Variants in STXBP4 observed in about 807,000 individuals in gnomAD.
STXBP4 encodes the protein syntaxin-binding protein 4.
Under a neutral mutation model 76.1 loss-of-function variants are expected in STXBP4, and 55 were observed. The ratio of observed to expected loss-of-function variants is 0.72; its 90% confidence interval spans 0.58 to 0.91. The LOEUF is 0.91. Among genes scored for constraint, STXBP4 ranks in the 40% least tolerant of loss-of-function variants. The probability of loss-of-function intolerance (pLI) is 0.00; values close to 1 mark genes in which losing one functional copy is unlikely to be tolerated. For synonymous variants in STXBP4, 201 were observed against 220.2 expected, an observed-to-expected ratio of 0.91 and a Z score of 0.77; for missense variants, 618 against 636.9, an observed-to-expected ratio of 0.97 and a Z score of 0.32.
At chr17:55,079,836 A>G (rs1219789123) in intron 15 of STXBP4, among the ~76,000 whole-genome samples, 1 of 152,070 alleles carries the variant, frequency 6.6e-6, no homozygotes, top group Non-Finnish European at 1.5e-5. Flanking sequence ...AAGTGAAGAT[A>G]TTTTTGGTGT....
intron 7 of STXBP4, 110 bp downstream of exon 7, chr17:55,000,993 C>A: frequency 1.4e-6 from 1 of 716,470 alleles, no homozygotes; most frequent in South Asian, 2.0e-5. Context: ...TGTCTTTGTT[C>A]CTTCAGTGAA....
rs529742986 is a variant in STXBP4 at position 55,050,272 on chromosome 17, A to G, written c.1011+3118A>G. ...TAACCAGTTAGAAGTTTTAATAGTTAAAGAGAAACCAAAATTATATAGAAA... is the reference window on the plus strand; with the variant it reads ...TAACCAGTTAGAAGTTTTAATAGTTGAAGAGAAACCAAAATTATATAGAAA... On this transcript the variant is annotated intron_variant, in intron 12 of 17. Transcript: ENST00000376352. 2.9e-4 allele frequency among the ~76,000 whole-genome samples: 44 copies of G among 152,242 alleles called. 1 individual carries two copies. Among genetic ancestry groups the G allele is most frequent in the Middle Eastern group, 6.8e-3 (2 of 294 alleles).
chr17:55,176,778 A>G (rs1184683162), downstream of STXBP4, among the ~76,000 whole-genome samples: 1 of 152,152 alleles, frequency 6.6e-6, no homozygotes, highest in Non-Finnish European at 1.5e-5. Flanking sequence ...ATATCATCCA[A>G]TCCACTGAGG....
chr17:54,980,366 G>A (rs2144322850), intron 1 of STXBP4, among the ~76,000 whole-genome samples: 1 of 152,312 alleles, frequency 6.6e-6, no homozygotes. Flanking sequence ...TGTTACCAGT[G>A]CAGGGTCTTG....
At chr17:55,050,872 T>C (rs1294301558) in intron 12 of STXBP4, among the ~76,000 whole-genome samples, 1 of 152,092 alleles carries the variant, frequency 6.6e-6, no homozygotes, top group African/African-American at 2.4e-5. Flanking sequence ...TTTGCCATGT[T>C]GGCCAGGCTG....
At chr17:55,154,367 A>T (rs1598354939) in intron 17 of STXBP4, among the ~76,000 whole-genome samples, 1 of 152,326 alleles carries the variant, frequency 6.6e-6, no homozygotes, top group Middle Eastern at 3.4e-3. Context: ...CCTGGCAGCA[A>T]CTCTATGGTA....
intron 1 of STXBP4, among the ~76,000 whole-genome samples, chr17:54,972,853 C>T (rs2077420157): frequency 6.6e-6 from 1 of 152,154 alleles, no homozygotes; most frequent in Admixed American, 6.5e-5. Context: ...TACTTACTTG[C>T]TCAATTCCCC....
intron 13 of STXBP4, among the ~76,000 whole-genome samples, chr17:55,076,298 G>A (rs536736127): frequency 6.6e-6 from 1 of 151,964 alleles, no homozygotes; most frequent in Non-Finnish European, 1.5e-5. Flanking sequence ...ACCATTTTCT[G>A]TTAAGCATTC....
chr17:54,972,726 G>T (rs2077418391), intron 1 of STXBP4, among the ~76,000 whole-genome samples: 1 of 152,154 alleles, frequency 6.6e-6, no homozygotes, highest in African/African-American at 2.4e-5. Context: ...CTGAGCACTA[G>T]AAGTGTTCAT....
the STXBP4 span, among the ~76,000 whole-genome samples, chr17:55,208,809 C>T: frequency 2.6e-5 from 4 of 152,032 alleles, no homozygotes; most frequent in Admixed American, 1.3e-4. Flanking sequence ...AGGCTAGGCA[C>T]GGTGACTTAC....
the STXBP4 span, among the ~76,000 whole-genome samples, chr17:55,190,946 C>G: frequency 6.6e-6 from 1 of 152,166 alleles, no homozygotes; most frequent in African/African-American, 2.4e-5. Context: ...ATGACCGTAG[C>G]AGTAAAGTGA....
intron 1 of STXBP4, among the ~76,000 whole-genome samples, chr17:54,983,534 G>T (rs1567871050): frequency 1.3e-5 from 2 of 152,158 alleles, no homozygotes; most frequent in South Asian, 2.1e-4. Context: ...AATAGGAGGA[G>T]ATGCTAAGAG....
intron 16 of STXBP4, among the ~76,000 whole-genome samples, chr17:55,099,715 A>G (rs1217629203): frequency 2.6e-5 from 4 of 152,210 alleles, no homozygotes; most frequent in Non-Finnish European, 5.9e-5. Flanking sequence ...ACAATTTATC[A>G]GGCACTAAGA....
At chr17:55,212,151 G>A in the STXBP4 span, among the ~76,000 whole-genome samples, 1 of 152,014 alleles carries the variant, frequency 6.6e-6, no homozygotes, top group Non-Finnish European at 1.5e-5. Context: ...TAGCACTTGG[G>A]AACATAAGTT....
At chr17:55,013,706 A>T (rs1305568955) in intron 8 of STXBP4, among the ~76,000 whole-genome samples, 1 of 152,228 alleles carries the variant, frequency 6.6e-6, no homozygotes. Context: ...CTAAAAGTAA[A>T]TCATCCACAT....
At position 55,141,381 on chromosome 17, in the gene STXBP4, T is replaced by G; in HGVS notation, c.1547+14T>G. On this transcript the variant is annotated intron_variant, in intron 17 of 17. Coordinates refer to ENST00000376352, the MANE Select transcript of STXBP4 (RefSeq NM_178509.6). ...GTACTTCATCAAGTAAGTACAAGCA[T>G]CTCAACCAAGTAAGCAATTTTCTTC... 1 of 1,604,818 alleles carries G rather than the reference T, an allele frequency of 6.2e-7. No individual in the cohort carries two copies. Among genetic ancestry groups the G allele is most frequent in the Non-Finnish European group, 8.5e-7 (1 of 1,176,180 alleles).
At chr17:55,036,077 G>A (rs899001621) in intron 10 of STXBP4, among the ~76,000 whole-genome samples, 1 of 151,858 alleles carries the variant, frequency 6.6e-6, no homozygotes, top group African/African-American at 2.4e-5. Flanking sequence ...ATTAACTGTA[G>A]TCGCCATGTT....
At chr17:55,194,914 C>T in the STXBP4 span, among the ~76,000 whole-genome samples, 3 of 152,164 alleles carry the variant, frequency 2.0e-5, no homozygotes, top group Admixed American at 6.5e-5. Flanking sequence ...TGAGCTGACA[C>T]AGCCCAAGTA....
In STXBP4 at chr17:55,168,671, A is replaced by C. The variant is rs1275272360; in HGVS notation, c.*8760A>C. The C allele has an allele frequency of 6.6e-6, 1 of 152,248 alleles. No individual in the cohort carries two copies. Among genetic ancestry groups the C allele is most frequent in the African/African-American group, 2.4e-5 (1 of 41,470 alleles). The allele number at this position is 152,248 out of a possible 1,614,324, so 9.4% of individuals were successfully genotyped here. On this transcript the variant is annotated 3_prime_UTR_variant, in exon 18 of 18. Coordinates refer to ENST00000376352, the MANE Select transcript of STXBP4 (RefSeq NM_178509.6). ...TTATGATATTTACAAAGCTCTGTAC[A>C]TTCAGAATTGAACTCTTTCTGCATC...
Sources: allele counts gnomAD v4.1 joint callset (sites outside exome capture counted in the v4.1 genomes callset), GRCh38; gene constraint gnomAD v4.1.1; transcripts MANE v1.5; gene names NCBI Gene and HGNC (gene_info 2026-07-23, HGNC 2026-07-21).